Variants in WDPCP observed in about 807,000 individuals in gnomAD.
WDPCP encodes the protein WD repeat-containing and planar cell polarity effector protein fritz homolog.
In WDPCP, 71 loss-of-function variants were observed where a neutral mutation model predicts 93.1. The observed-to-expected ratio is 0.76, with a 90% CI of 0.63 to 0.93. The LOEUF (loss-of-function observed/expected upper bound fraction) is 0.93, where lower values mean the gene tolerates loss of function less well. WDPCP is among the 40% of genes least tolerant of loss of function. The pLI is 0.00. For synonymous variants in WDPCP, 315 were observed against 315.0 expected, an observed-to-expected ratio of 1.00 and a Z score of 0.00; for missense variants, 844 against 887.4, an observed-to-expected ratio of 0.95 and a Z score of 0.62.
chr2:63,420,705 GA>G (rs1185102302), intron 9 of WDPCP, among the ~76,000 whole-genome samples: 1 of 152,076 alleles, frequency 6.6e-6, no homozygotes. Flanking sequence ...GCATTATCCT[GA>G]ATGTTTTAAA....
In WDPCP at chr2:63,433,882, C is replaced by T. The variant is rs937072665; in HGVS notation, c.688G>A (p.Ala230Thr). Residue 230 changes from alanine (A) to threonine (T), a missense_variant, in exon 9 of 18, where the codon GCT (alanine) becomes ACT (threonine). Coordinates refer to ENST00000272321, the MANE Select transcript of WDPCP (RefSeq NM_015910.7). ...PINKTTERHL[A>T]INCVHDRVVC... Reference sequence around the variant, plus strand: ...ACTCTATCATGAACACAGTTGATAGCTAGATGTCGCTCTGTTGTCTTGTTT... The same window carrying T: ...ACTCTATCATGAACACAGTTGATAGTTAGATGTCGCTCTGTTGTCTTGTTT... The T allele has an allele frequency of 6.2e-7, 1 of 1,613,824 alleles. No homozygotes were observed. Among genetic ancestry groups the T allele is most frequent in the African/African-American group, 1.3e-5 (1 of 74,906 alleles).
At chr2:63,832,996 T>C in the WDPCP span, among the ~76,000 whole-genome samples, 1 of 152,188 alleles carries the variant, frequency 6.6e-6, no homozygotes, top group Non-Finnish European at 1.5e-5. Context: ...CTCCCACCTG[T>C]AATCCCAGCA....
At chr2:63,616,208 T>C (rs555363060) in intron 3 of WDPCP, among the ~76,000 whole-genome samples, 1 of 152,324 alleles carries the variant, frequency 6.6e-6, no homozygotes, top group African/African-American at 2.4e-5. Flanking sequence ...TCTAAATCTT[T>C]CTGAGGCATT....
chr2:63,740,278 GA>G (rs1236473582), intron 2 of WDPCP, among the ~76,000 whole-genome samples: 1 of 152,084 alleles, frequency 6.6e-6, no homozygotes, highest in East Asian at 1.9e-4. Context: ...TTTCCAAAGT[GA>G]TTGTGCCAAT....
At chr2:63,838,903 G>C in the WDPCP span, among the ~76,000 whole-genome samples, 1 of 152,274 alleles carries the variant, frequency 6.6e-6, no homozygotes, top group South Asian at 2.1e-4. Flanking sequence ...CTTACAAAGT[G>C]TTTGTGGGTT....
chr2:63,510,839 G>A (rs1163485268), intron 1 of WDPCP, among the ~76,000 whole-genome samples: 3 of 152,088 alleles, frequency 2.0e-5, no homozygotes, highest in African/African-American at 7.2e-5. Context: ...CACCAGGCGT[G>A]GTGGCGGGTG....
chr2:63,693,194 T>C (rs2103676776), intron 2 of WDPCP, among the ~76,000 whole-genome samples: 1 of 152,278 alleles, frequency 6.6e-6, no homozygotes, highest in Non-Finnish European at 1.5e-5. Flanking sequence ...CTAGATGTCA[T>C]ACAAAAATAT....
At chr2:63,366,620 C>T (rs1422626926) in intron 12 of WDPCP, among the ~76,000 whole-genome samples, 1 of 152,078 alleles carries the variant, frequency 6.6e-6, no homozygotes, top group Non-Finnish European at 1.5e-5. Flanking sequence ...CATGATTGTC[C>T]TTACTTACAA....
intron 2 of WDPCP, among the ~76,000 whole-genome samples, chr2:63,806,603 G>A (rs1190069304): frequency 3.3e-5 from 5 of 152,124 alleles, no homozygotes; most frequent in Admixed American, 6.5e-5. Flanking sequence ...GCCTGGGAGC[G>A]CTATGGGAGA....
intron 6 of WDPCP, among the ~76,000 whole-genome samples, chr2:63,446,640 G>C (rs1044949936): frequency 2.0e-5 from 3 of 152,154 alleles, no homozygotes; most frequent in African/African-American, 7.2e-5. Context: ...CTCAAATGGA[G>C]TGGTGGGCAG....
At position 63,745,143 on chromosome 2, in the gene WDPCP, T is replaced by C. The variant is rs13426454; in HGVS notation, n.308+68479A>G. Among the ~76,000 whole-genome samples the C allele has an allele frequency of 8.1e-4, 123 of 152,342 alleles. 1 individual carries two copies. In the Middle Eastern group the frequency reaches 0.01, roughly 13 times the overall value. On this transcript the variant is annotated intron_variant and non_coding_transcript_variant, in intron 2 of 4. Coordinates refer to the WDPCP transcript ENST00000467687. ...TATGTTATTTTCATAAGTAATGTACTCTACTTTGAGGATTTATAAAGAGTA... is the reference window on the plus strand; with the variant it reads ...TATGTTATTTTCATAAGTAATGTACCCTACTTTGAGGATTTATAAAGAGTA...
intron 14 of WDPCP, among the ~76,000 whole-genome samples, chr2:63,193,281 C>G (rs1294238552): frequency 6.6e-6 from 1 of 151,964 alleles, no homozygotes; most frequent in East Asian, 1.9e-4. Flanking sequence ...CCAAAAAAAG[C>G]TTTGTCTTTA....
intron 13 of WDPCP, among the ~76,000 whole-genome samples, chr2:63,260,431 G>A (rs1409567146): frequency 6.6e-6 from 1 of 152,202 alleles, no homozygotes; most frequent in Non-Finnish European, 1.5e-5. Context: ...ATAAATGCAA[G>A]CTGAAAAATG....
intron 17 of WDPCP, among the ~76,000 whole-genome samples, chr2:63,140,428 T>C (rs1559148095): frequency 6.6e-6 from 1 of 152,342 alleles, no homozygotes; most frequent in East Asian, 1.9e-4. Context: ...ACAATATTGA[T>C]TCTACCCATT....
intron 2 of WDPCP, among the ~76,000 whole-genome samples, chr2:63,761,929 G>C (rs1670061238): frequency 6.6e-6 from 1 of 152,020 alleles, no homozygotes; most frequent in Non-Finnish European, 1.5e-5. Context: ...ATCTTCTTTT[G>C]GGCTGGGGGT....
upstream of WDPCP, among the ~76,000 whole-genome samples, chr2:63,830,797 G>GATGGAGTTT (rs1671180431): frequency 6.6e-6 from 1 of 152,032 alleles, no homozygotes; most frequent in South Asian, 2.1e-4. Context: ...ACCTCTAAAT[G>GATGGAGTTT]ATGGAGTTTA....
At chr2:63,362,122 T>A (rs137879575) in intron 12 of WDPCP, among the ~76,000 whole-genome samples, 3 of 152,150 alleles carry the variant, frequency 2.0e-5, no homozygotes, top group African/African-American at 7.2e-5. Flanking sequence ...TACAAGTTAC[T>A]GTTGACTATA....
At chr2:63,263,109 G>A (rs1681787505) in intron 13 of WDPCP, among the ~76,000 whole-genome samples, 2 of 152,024 alleles carry the variant, frequency 1.3e-5, no homozygotes, top group Admixed American at 6.5e-5. Context: ...TGCCCCTGAG[G>A]TCTGACAGAG....
chr2:63,223,522 C>A (rs1403914052), intron 14 of WDPCP, among the ~76,000 whole-genome samples: 1 of 152,108 alleles, frequency 6.6e-6, no homozygotes, highest in Non-Finnish European at 1.5e-5. Context: ...GTGGAGCTTA[C>A]AAGAGGCCTT....
Sources: gnomAD v4.1 joint callset for allele counts (sites outside exome capture counted in the v4.1 genomes callset) on GRCh38, gnomAD v4.1.1 for gene constraint, MANE v1.5 for transcripts, NCBI Gene and HGNC (gene_info 2026-07-23, HGNC 2026-07-21) for gene names.